KLK4: variants seen among roughly 807,000 people sequenced by gnomAD.
KLK4 encodes kallikrein-4.
A neutral mutation model predicts 24.3 loss-of-function variants in KLK4; 24 were observed. That is an observed-to-expected ratio of 0.99 (90% CI 0.72 to 1.39). The LOEUF (loss-of-function observed/expected upper bound fraction) is 1.39. Among genes scored for constraint, KLK4 ranks in the 40% most tolerant of loss-of-function variants. The probability of loss-of-function intolerance (pLI) is 0.00; values close to 1 mark genes in which losing one functional copy is unlikely to be tolerated. For synonymous variants in KLK4, 142 were observed against 138.8 expected, an observed-to-expected ratio of 1.02 and a Z score of -0.16; for missense variants, 344 against 327.4, an observed-to-expected ratio of 1.05 and a Z score of -0.39.
exon 3 of KLK4, chr19:50,909,287 C>T (rs755366281): frequency 1.2e-6 from 2 of 1,614,210 alleles, no homozygotes; most frequent in South Asian, 1.1e-5. Flanking sequence ...GCACCCACTG[C>T]GGATGCACCA....
intron 5 of KLK4, chr19:50,908,043 G>T: frequency 2.2e-6 from 1 of 453,330 alleles, no homozygotes; most frequent in Non-Finnish European, 4.1e-6. Flanking sequence ...TCAGGTTTTT[G>T]GGGAGTCAAA....
At chr19:50,907,668 A>G (rs2090446246) in intron 5 of KLK4, among the ~76,000 whole-genome samples, 1 of 151,976 alleles carries the variant, frequency 6.6e-6, no homozygotes, top group Non-Finnish European at 1.5e-5. Context: ...CGCCTCCCAA[A>G]GTGCTGGGAT....
intron 2 of KLK4, 94 bp from the exon 3 acceptor site, chr19:50,909,508 A>G: frequency 7.5e-7 from 1 of 1,336,278 alleles, no homozygotes. Flanking sequence ...TCAGAGGTTC[A>G]GGAGCAGTCA....
exon 5 of KLK4, chr19:50,908,407 G>T (rs767315231): frequency 3.7e-6 from 6 of 1,614,088 alleles, no homozygotes; most frequent in Non-Finnish European, 5.1e-6. Flanking sequence ...AGAACATGCT[G>T]GGGTGGTACA....
intron 5 of KLK4, chr19:50,907,910 C>A: frequency 4.0e-6 from 1 of 249,484 alleles, no homozygotes; most frequent in South Asian, 5.3e-5. Flanking sequence ...CACAGACGAA[C>A]TGTGTAGCTT....
At chr19:50,909,951 G>T (rs569710319) in intron 2 of KLK4, among the ~76,000 whole-genome samples, 2 of 151,476 alleles carry the variant, frequency 1.3e-5, no homozygotes, top group South Asian at 4.2e-4. Flanking sequence ...CTCAGAAGGT[G>T]GGACCAGGGC....
Position 50,910,694 on chromosome 19 carries a change from G to A in KLK4, c.45C>T (p.Leu15=). 1 of 1,555,808 alleles carries A rather than the reference G, an allele frequency of 6.4e-7. No individual in the cohort carries two copies. Among genetic ancestry groups the A allele is most frequent in the East Asian group, 2.4e-5 (1 of 41,492 alleles). Residue 15 remains leucine (L), a synonymous_variant, in exon 2 of 6, where the codon CTC becomes CTT. Coordinates refer to ENST00000324041, the Ensembl canonical transcript of KLK4. The surrounding 1 kb of genome is among the most constrained non-coding windows in gnomAD (Gnocchi z 4.4). The stretch of plus-strand genomic sequence containing the variant: ...CTCAGATACCTGCGACACCAAGGAT[G>A]AGGTACCCCAGGAACCAGCCCCAGG...
intron 3 of KLK4, 93 bp from the exon 4 acceptor site, chr19:50,908,922 C>T: frequency 1.3e-6 from 2 of 1,562,286 alleles, no homozygotes; most frequent in Non-Finnish European, 1.7e-6. Context: ...ATCTCCTAAC[C>T]CCAACCCCAC....
intron 2 of KLK4, among the ~76,000 whole-genome samples, chr19:50,909,691 G>T (rs1333703292): frequency 6.6e-6 from 1 of 151,954 alleles, no homozygotes; most frequent in East Asian, 1.9e-4. Context: ...AGGGCTCCTG[G>T]GGGTGGGGTT....
chr19:50,908,426 T>C lies in KLK4; in HGVS notation c.545A>G (p.Tyr182Cys), dbSNP rs201312889. 19 of 1,614,042 alleles carry C rather than the reference T, an allele frequency of 1.2e-5. No homozygotes were observed. The highest frequency in any genetic ancestry group is 2.7e-5 in the African/African-American group (2 of 74,974). ...CATGCTGGGGTGGTACAGCGGGTCATAGAGCTTACTGCAGACCTCCTCAGA... is the reference window on the plus strand; with the variant it reads ...CATGCTGGGGTGGTACAGCGGGTCACAGAGCTTACTGCAGACCTCCTCAGA... Residue 182 changes from tyrosine to cysteine, a missense_variant, in exon 5 of 6, where the codon TAT becomes TGT. Transcript: ENST00000324041.
intron 3 of KLK4, 191 bp from the exon 4 acceptor site, chr19:50,909,020 C>T (rs2123514675): frequency 1.3e-6 from 2 of 1,486,184 alleles, no homozygotes; most frequent in Non-Finnish European, 8.9e-7. Flanking sequence ...TGCCTTAGTT[C>T]ACTAGAGACT....
At chr19:50,909,074 C>T in intron 3 of KLK4, 178 bp downstream of exon 3, 1 of 1,478,660 alleles carries the variant, frequency 6.8e-7, no homozygotes, top group Middle Eastern at 2.4e-4. Flanking sequence ...CTGAGTCCTT[C>T]CGAAGCAAGA....
At chr19:50,906,825 G>T (rs1164655594) in exon 6 of KLK4, 8 of 1,369,032 alleles carry the variant, frequency 5.8e-6, no homozygotes, top group Non-Finnish European at 7.3e-6. Context: ...GAGGGGCTGG[G>T]GGCCTGGACT....
chr19:50,908,880 C>T, intron 3 of KLK4, 51 bp from the exon 4 acceptor site: 6 of 1,601,378 alleles, frequency 3.7e-6, no homozygotes, highest in Admixed American at 1.7e-5. Context: ...ATCCTTACCT[C>T]CATTCTCATC....
Position 50,908,497 on chromosome 19 carries a change from T to C in KLK4, c.476-2A>G. 1 of 1,614,110 alleles carries C rather than the reference T, an allele frequency of 6.2e-7. No individual in the cohort carries two copies. The highest frequency in any genetic ancestry group is 2.2e-5 in the East Asian group (1 of 44,888). On this transcript the variant is annotated splice_acceptor_variant, in intron 4 of 5. Coordinates refer to ENST00000324041, the Ensembl canonical transcript of KLK4. LOFTEE classifies it high-confidence loss of function. The stretch of plus-strand genomic sequence containing the variant: ...ACTGCAGCACGGTAGGCATTCTGCC[T>C]GGGACGCAGAGCTCTGGGTCAGCCC...
intron 5 of KLK4, 112 bp downstream of exon 5, chr19:50,908,247 C>T: frequency 8.0e-7 from 1 of 1,255,152 alleles, no homozygotes; most frequent in South Asian, 1.2e-5. Context: ...TTGTCACTGT[C>T]TCCCTGTGTG....
At chr19:50,906,882 C>T in exon 6 of KLK4, 1 of 1,610,032 alleles carries the variant, frequency 6.2e-7, no homozygotes, top group Non-Finnish European at 8.5e-7. Context: ...TCCTGAATTC[C>T]TTCCGCAGGA....
chr19:50,909,032 A>G, intron 3 of KLK4: 1 of 1,479,070 alleles, frequency 6.8e-7, no homozygotes, highest in African/African-American at 1.4e-5. Context: ...CTAGAGACTC[A>G]GCACTGGGCT....
At chr19:50,907,071 G>A (rs2090438848) in exon 6 of KLK4, 2 of 1,614,072 alleles carry the variant, frequency 1.2e-6, no homozygotes, top group East Asian at 2.2e-5. Flanking sequence ...CAGATCAGGG[G>A]CCCCCCAGAG....
Sources: gnomAD v4.1 joint callset for allele counts (sites outside exome capture counted in the v4.1 genomes callset) on GRCh38, gnomAD v4.1.1 for gene constraint, Gnocchi (gnomAD v3.1) non-coding constraint, MANE v1.5 for transcripts, NCBI Gene and HGNC (gene_info 2026-07-23, HGNC 2026-07-21) for gene names.